The following CLDN10 variants were observed in gnomAD, a reference collection of about 807,000 sequenced individuals.
CLDN10 encodes the protein claudin 10, also known as claudin-10.
In CLDN10, 15 loss-of-function variants were observed where a neutral mutation model predicts 22.9. That is an observed-to-expected ratio of 0.65 (90% CI 0.44 to 1.01). The LOEUF (loss-of-function observed/expected upper bound fraction) is 1.01. Ranked by LOEUF, CLDN10 falls within the 50% of genes least tolerant of loss-of-function variation. CLDN10 has a pLI of 0.00. For missense variants in CLDN10, 247 were observed against 287.8 expected (o/e 0.86, Z 1.03); for synonymous variants, 114 against 111.4 (o/e 1.02, Z -0.15).
intron 1 of CLDN10, among the ~76,000 whole-genome samples, chr13:95,517,330 C>T (rs551785448): frequency 9.2e-5 from 14 of 152,276 alleles, no homozygotes; most frequent in African/African-American, 3.4e-4. Flanking sequence ...GCTCTTCCCA[C>T]AGACAAACAA....
At chr13:95,500,270 T>C (rs1477392080) in intron 1 of CLDN10, among the ~76,000 whole-genome samples, 1 of 151,390 alleles carries the variant, frequency 6.6e-6, no homozygotes, top group Non-Finnish European at 1.5e-5. Context: ...TAAAACAGCA[T>C]GTTGCATGCG....
rs2043947568 is a variant in CLDN10 at position 95,577,298 on chromosome 13, A to G, written c.532A>G (p.Ile178Val). The change falls in exon 4 of 5, where the codon ATA becomes GTA. Residue 178 changes from isoleucine to valine, a missense_variant. By Grantham distance (29) the Ile-to-Val change is conservative (BLOSUM62 3). Coordinates refer to ENST00000299339, the MANE Select transcript of CLDN10 (RefSeq NM_006984.5). Reference sequence around the variant, plus strand: ...CTCACTGTGCATAATTGGTGGTGTCATATTTTGCTTTTCAATATCTGACAA... The same window carrying G: ...CTCACTGTGCATAATTGGTGGTGTCGTATTTTGCTTTTCAATATCTGACAA... ...GASLCIIGGV[I>V]FCFSISDNNK... 1 of 1,614,002 alleles carries G rather than the reference A, an allele frequency of 6.2e-7. No homozygotes were observed. Among genetic ancestry groups the G allele is most frequent in the South Asian group, 1.1e-5 (1 of 91,082 alleles).
chr13:95,463,285 A>AATATATATATATATATATATAT (rs200962205), intron 1 of CLDN10, among the ~76,000 whole-genome samples: 1 of 40,096 alleles, frequency 2.5e-5, no homozygotes, highest in Non-Finnish European at 5.2e-5. Flanking sequence ...GCAAATGCTT[A>AATATATATATATATATATATAT]ATATATATAT....
chr13:95,490,959 T>C (rs1361086167), intron 1 of CLDN10, among the ~76,000 whole-genome samples: 2 of 152,194 alleles, frequency 1.3e-5, no homozygotes, highest in African/African-American at 4.8e-5. Context: ...TGCATATATG[T>C]TTAGGATTGT....
chr13:95,502,002 G>T (rs1398926599), intron 1 of CLDN10, among the ~76,000 whole-genome samples: 2 of 151,892 alleles, frequency 1.3e-5, no homozygotes, highest in Admixed American at 1.3e-4. Context: ...AACTTATCAG[G>T]GTCTACTTTG....
At chr13:95,483,328 C>A (rs908516838) in intron 1 of CLDN10, among the ~76,000 whole-genome samples, 3 of 151,416 alleles carry the variant, frequency 2.0e-5, no homozygotes, top group Admixed American at 2.0e-4. Flanking sequence ...TTCTCAATTT[C>A]CCTCTCCTCC....
chr13:95,572,629 C>T (rs1281678725), intron 3 of CLDN10, among the ~76,000 whole-genome samples: 3 of 152,124 alleles, frequency 2.0e-5, no homozygotes, highest in Non-Finnish European at 2.9e-5. Flanking sequence ...CACATCTGAG[C>T]GTGTTTGGGA....
At chr13:95,523,924 A>T (rs1451675283) in intron 1 of CLDN10, among the ~76,000 whole-genome samples, 1 of 152,190 alleles carries the variant, frequency 6.6e-6, no homozygotes. Flanking sequence ...AACTAACAGT[A>T]TCTCCTGGGG....
chr13:95,437,459 C>A (rs367884706), intron 1 of CLDN10, among the ~76,000 whole-genome samples: 1 of 152,290 alleles, frequency 6.6e-6, no homozygotes, highest in East Asian at 1.9e-4. Flanking sequence ...GAAAGTAAAG[C>A]ATCTCTCATC....
At chr13:95,476,768 T>C (rs2042689645) in intron 1 of CLDN10, among the ~76,000 whole-genome samples, 1 of 151,868 alleles carries the variant, frequency 6.6e-6, no homozygotes, top group Middle Eastern at 3.2e-3. Flanking sequence ...GGCCTCACTA[T>C]GAAATAACAG....
intron 3 of CLDN10, among the ~76,000 whole-genome samples, chr13:95,563,095 A>ACTCTCTCTCTCTCTCTCTCTCTCTCTCT (rs34473629): frequency 7.0e-5 from 9 of 128,136 alleles, no homozygotes; most frequent in Non-Finnish European, 1.1e-4. Flanking sequence ...CTGCCTACCC[A>ACTCTCTCTCTCTCTCTCTCTCTCTCTCT]CTCTCTCTCT....
chr13:95,556,817 T>C (rs540225672), intron 1 of CLDN10, among the ~76,000 whole-genome samples: 3 of 152,258 alleles, frequency 2.0e-5, no homozygotes, highest in African/African-American at 7.2e-5. Flanking sequence ...CAGGTGCTAT[T>C]AGCGAATTGT....
chr13:95,541,600 C>T (rs995698026), intron 1 of CLDN10, among the ~76,000 whole-genome samples: 1 of 152,120 alleles, frequency 6.6e-6, no homozygotes, highest in Non-Finnish European at 1.5e-5. Flanking sequence ...TTATTACTTC[C>T]TCTATCACTA....
chr13:95,439,852 A>G (rs2042307932), intron 1 of CLDN10, among the ~76,000 whole-genome samples: 1 of 152,224 alleles, frequency 6.6e-6, no homozygotes, highest in South Asian at 2.1e-4. Context: ...AATAATGAAT[A>G]AATGAAAACA....
chr13:95,524,841 T>A (rs1594586812), intron 1 of CLDN10, among the ~76,000 whole-genome samples: 1 of 150,314 alleles, frequency 6.7e-6, no homozygotes, highest in Non-Finnish European at 1.5e-5. Flanking sequence ...ACTCTTTTAT[T>A]TTTTATTTTA....
In CLDN10 at chr13:95,474,610, G is replaced by A. The variant is rs962026821; in HGVS notation, c.214+40563G>A. Among the ~76,000 whole-genome samples the A allele has an allele frequency of 2.6e-5, 4 of 152,252 alleles. No homozygotes were observed. The South Asian group carries it at 8.3e-4, about 31-fold the overall frequency. On this transcript the variant is annotated intron_variant, in intron 1 of 4. Coordinates refer to the CLDN10 transcript ENST00000376873. ...CGGCTTCTAGCAGGGAAGAGAGTAA[G>A]AGAACAAATCCAAGAAGAAGCTGTG...
chr13:95,510,530 A>G (rs913950470), intron 1 of CLDN10, among the ~76,000 whole-genome samples: 1 of 152,150 alleles, frequency 6.6e-6, no homozygotes, highest in East Asian at 1.9e-4. Context: ...TAAAGATCTT[A>G]TCTTTACATA....
chr13:95,571,537 C>T (rs889980785), intron 3 of CLDN10, among the ~76,000 whole-genome samples: 3 of 152,086 alleles, frequency 2.0e-5, no homozygotes, highest in South Asian at 4.1e-4. Context: ...GGAGGCTGAG[C>T]GTCTCATAAG....
intron 1 of CLDN10, among the ~76,000 whole-genome samples, chr13:95,528,019 G>C (rs1029956044): frequency 6.6e-6 from 1 of 152,154 alleles, no homozygotes; most frequent in African/African-American, 2.4e-5. Flanking sequence ...ATGTTTTCTG[G>C]CTACATCAAG....
Sources: allele counts gnomAD v4.1 joint callset (sites outside exome capture counted in the v4.1 genomes callset), GRCh38; gene constraint gnomAD v4.1.1; transcripts MANE v1.5; gene names NCBI Gene and HGNC (gene_info 2026-07-23, HGNC 2026-07-21).